ATP8A1: variants seen among roughly 807,000 people sequenced by gnomAD.
The protein encoded by ATP8A1 is ATPase phospholipid transporting 8A1, also known as phospholipid-transporting ATPase IA.
A neutral mutation model predicts 177.7 loss-of-function variants in ATP8A1; 90 were observed. The observed-to-expected ratio is 0.51, with a 90% CI of 0.43 to 0.60. ATP8A1 has a LOEUF of 0.60. ATP8A1 is among the 20% of genes least tolerant of loss of function. ATP8A1 has a pLI of 0.00. For synonymous variants in ATP8A1, 493 were observed against 485.9 expected (o/e 1.01, Z -0.19); for missense variants, 1,072 against 1,392.8 (o/e 0.77, Z 3.67).
chr4:42,562,592 G>A (rs1730948217), intron 15 of ATP8A1, among the ~76,000 whole-genome samples: 1 of 152,204 alleles, frequency 6.6e-6, no homozygotes, highest in African/African-American at 2.4e-5. Context: ...TTAGATACTG[G>A]TTTTGACCAA....
At chr4:42,441,170 AT>A (rs1442993911) in intron 33 of ATP8A1, among the ~76,000 whole-genome samples, 6 of 152,214 alleles carry the variant, frequency 3.9e-5, no homozygotes, top group Admixed American at 2.0e-4. Flanking sequence ...TTATGCTGGC[AT>A]TACTTACAAT....
intron 2 of ATP8A1, chr4:42,626,710 A>G (rs1738137996): frequency 5.3e-6 from 2 of 376,488 alleles, no homozygotes; most frequent in Non-Finnish European, 4.9e-6. Context: ...CTCTATTAAC[A>G]GGTTTAGGAC....
At chr4:42,649,371 C>A (rs1278921190) in intron 1 of ATP8A1, among the ~76,000 whole-genome samples, 2 of 152,152 alleles carry the variant, frequency 1.3e-5, no homozygotes, top group African/African-American at 4.8e-5. Flanking sequence ...CAGATTACCT[C>A]ATTCTTCCTA....
At chr4:42,438,538 G>C (rs919085398) in intron 33 of ATP8A1, among the ~76,000 whole-genome samples, 6 of 152,170 alleles carry the variant, frequency 3.9e-5, no homozygotes, top group Non-Finnish European at 7.3e-5. Context: ...AAATAGGGTT[G>C]AGGGAGTCAG....
intron 6 of ATP8A1, among the ~76,000 whole-genome samples, chr4:42,591,614 A>G (rs1016330230): frequency 2.6e-5 from 4 of 152,124 alleles, no homozygotes; most frequent in African/African-American, 7.2e-5. Context: ...GAGGGTATGA[A>G]ATAGACATGC....
chr4:42,569,969 A>G (rs1731745819), intron 14 of ATP8A1, among the ~76,000 whole-genome samples: 1 of 152,190 alleles, frequency 6.6e-6, no homozygotes, highest in South Asian at 2.1e-4. Context: ...TTTCTTTCAT[A>G]ATATAATCAT....
intron 27 of ATP8A1, among the ~76,000 whole-genome samples, chr4:42,456,918 A>T (rs1003206156): frequency 1.3e-5 from 2 of 152,170 alleles, no homozygotes; most frequent in African/African-American, 2.4e-5. Flanking sequence ...TGGCCTCCCT[A>T]TGAACAGGTT....
At chr4:42,546,591 A>C (rs1013840166) in intron 19 of ATP8A1, among the ~76,000 whole-genome samples, 32 of 151,902 alleles carry the variant, frequency 2.1e-4, no homozygotes, top group Non-Finnish European at 2.2e-4. Context: ...TAAAAAAAAA[A>C]AAAACAAAAA....
At chr4:42,479,923 G>T (rs7696974) in intron 25 of ATP8A1, among the ~76,000 whole-genome samples, 1,753 of 151,592 alleles carry the variant, frequency 0.012, 37 homozygotes, top group African/African-American at 0.041. Flanking sequence ...TCCCAAGCGG[G>T]TGCATTTATA....
intron 15 of ATP8A1, among the ~76,000 whole-genome samples, chr4:42,561,071 C>T (rs76734172): frequency 6.6e-6 from 1 of 151,974 alleles, no homozygotes; most frequent in Admixed American, 6.5e-5. Context: ...TAAATTCAAG[C>T]GAATATAGCC....
chr4:42,651,391 G>A (rs1741081459), intron 1 of ATP8A1, among the ~76,000 whole-genome samples: 1 of 152,130 alleles, frequency 6.6e-6, no homozygotes, highest in Admixed American at 6.6e-5. Flanking sequence ...AGGAAAATGT[G>A]GGAAAGTATG....
intron 16 of ATP8A1, among the ~76,000 whole-genome samples, chr4:42,553,054 GT>G (rs1450555581): frequency 2.0e-5 from 3 of 152,198 alleles, no homozygotes; most frequent in Admixed American, 6.5e-5. Flanking sequence ...TACACTGGGG[GT>G]GTGGGATTAT....
chr4:42,490,001 C>T (rs1722584478), intron 24 of ATP8A1, among the ~76,000 whole-genome samples: 1 of 152,160 alleles, frequency 6.6e-6, no homozygotes, highest in Admixed American at 6.5e-5. Flanking sequence ...CCAGGAGCAT[C>T]AGAGACATTG....
intron 33 of ATP8A1, among the ~76,000 whole-genome samples, chr4:42,433,587 C>A (rs757264275): frequency 3.3e-5 from 5 of 152,106 alleles, no homozygotes; most frequent in Non-Finnish European, 5.9e-5. Flanking sequence ...TTCTCAGCAG[C>A]TTTTGATTAC....
chr4:42,608,207 T>G (rs908419518), intron 5 of ATP8A1, among the ~76,000 whole-genome samples: 1 of 152,050 alleles, frequency 6.6e-6, no homozygotes, highest in Non-Finnish European at 1.5e-5. Flanking sequence ...CAGGACCCAA[T>G]CAAATAATGC....
chr4:42,509,838 C>G (rs928603946), intron 22 of ATP8A1, among the ~76,000 whole-genome samples: 1 of 113,558 alleles, frequency 8.8e-6, no homozygotes, highest in African/African-American at 3.6e-5. Context: ...GGCAACAGAG[C>G]GAGACAGTCT....
At chr4:42,450,331 C>T (rs543668316) in intron 30 of ATP8A1, among the ~76,000 whole-genome samples, 1 of 152,180 alleles carries the variant, frequency 6.6e-6, no homozygotes, top group African/African-American at 2.4e-5. Context: ...TGTGGAGAAA[C>T]AGGGAGTGAT....
intron 1 of ATP8A1, among the ~76,000 whole-genome samples, chr4:42,643,467 C>G (rs570999526): frequency 6.6e-6 from 1 of 152,130 alleles, no homozygotes; most frequent in Non-Finnish European, 1.5e-5. Context: ...GGGCTCAGGG[C>G]CCAAAACTTT....
At chr4:42,504,579 C>T (rs1485651120) in intron 23 of ATP8A1, among the ~76,000 whole-genome samples, 1 of 152,220 alleles carries the variant, frequency 6.6e-6, no homozygotes, top group Non-Finnish European at 1.5e-5. Flanking sequence ...AAGAAGCCAA[C>T]CACTTCTTAC....
Sources: gnomAD v4.1 joint callset for allele counts (sites outside exome capture counted in the v4.1 genomes callset) on GRCh38, gnomAD v4.1.1 for gene constraint, MANE v1.5 for transcripts, NCBI Gene and HGNC (gene_info 2026-07-23, HGNC 2026-07-21) for gene names.